Variants in PCSK5 observed in about 807,000 individuals in gnomAD.
The protein encoded by PCSK5 is prohormone convertase 5.
In PCSK5, 129 loss-of-function variants were observed where a neutral mutation model predicts 233.2. The observed-to-expected ratio is 0.55, with a 90% CI of 0.48 to 0.64. PCSK5 has a LOEUF of 0.64. Ranked by LOEUF, PCSK5 falls within the 30% of genes least tolerant of loss-of-function variation. The pLI is 0.00. For missense variants in PCSK5, 2,076 were observed against 2,430.1 expected (o/e 0.85, Z 3.06); for synonymous variants, 825 against 879.2 (o/e 0.94, Z 1.09).
chr9:76,298,498 A>G (rs535270289), intron 27 of PCSK5, among the ~76,000 whole-genome samples: 103 of 152,312 alleles, frequency 6.8e-4, no homozygotes, highest in African/African-American at 2.4e-3. Flanking sequence ...ACAGAGAAAT[A>G]GCCATTTATT....
rs3001772 is a variant in PCSK5, at chr9:76,323,058, C to T, written c.4109C>T (p.Thr1370Met). The T allele has an allele frequency of 0.53, 833,538 of 1,577,546 alleles. 225,042 individuals are homozygous for T. Among genetic ancestry groups the T allele is most frequent in the African/African-American group, 0.64 (47,838 of 74,222 alleles). The change falls in exon 32 of 38, where the codon ACG (threonine) becomes ATG (methionine). Residue 1370 changes from threonine to methionine, a missense_variant. Physicochemically the swap from Thr to Met is moderately conservative, Grantham distance 81 (BLOSUM62 -1). Coordinates refer to ENST00000674117, the MANE Select transcript of PCSK5 (RefSeq NM_001372043.1). ...CIHEKTCKEC[T>M]PEFFLHDDMC... ...TGCTTCCTCCTTTTCCCAGAGTGCA[C>T]GCCTGAGTTCTTCCTGCACGATGAT...
intron 27 of PCSK5, among the ~76,000 whole-genome samples, chr9:76,297,306 A>G (rs946832926): frequency 6.6e-5 from 10 of 152,220 alleles, no homozygotes; most frequent in Non-Finnish European, 1.3e-4. Context: ...CAATTAGACA[A>G]GCAAGAACTG....
chr9:76,332,948 T>C (rs535226292), intron 34 of PCSK5, among the ~76,000 whole-genome samples: 1 of 152,332 alleles, frequency 6.6e-6, no homozygotes, highest in South Asian at 2.1e-4. Context: ...AGGTTGAGGC[T>C]GGAGGATCAC....
chr9:75,898,858 G>A (rs1825913142), intron 1 of PCSK5, among the ~76,000 whole-genome samples: 1 of 152,174 alleles, frequency 6.6e-6, no homozygotes, highest in Non-Finnish European at 1.5e-5. Flanking sequence ...AACATTCTCT[G>A]TTCTTGAGAA....
intron 11 of PCSK5, among the ~76,000 whole-genome samples, chr9:76,158,615 T>C (rs2889661): frequency 0.25 from 37,917 of 151,954 alleles, 4,906 homozygotes; most frequent in Admixed American, 0.34. Flanking sequence ...ATAGATCAGC[T>C]ACGTCACTAT....
intron 20 of PCSK5, among the ~76,000 whole-genome samples, chr9:76,196,462 G>A (rs1027332673): frequency 6.6e-6 from 1 of 152,216 alleles, no homozygotes; most frequent in Non-Finnish European, 1.5e-5. Flanking sequence ...AAACAGCAGT[G>A]GAGTATAGAT....
At chr9:76,057,081 G>A (rs1164400162) in intron 5 of PCSK5, among the ~76,000 whole-genome samples, 1 of 151,994 alleles carries the variant, frequency 6.6e-6, no homozygotes, top group African/African-American at 2.4e-5. Context: ...TGTTTTTCTG[G>A]AGTAAAATCT....
At chr9:76,042,120 C>G (rs1021451823) in intron 5 of PCSK5, among the ~76,000 whole-genome samples, 2 of 152,170 alleles carry the variant, frequency 1.3e-5, no homozygotes, top group African/African-American at 4.8e-5. Flanking sequence ...TTTGCTACAT[C>G]CCTGCCCTGT....
chr9:76,282,866 T>G (rs1243074497), intron 24 of PCSK5, among the ~76,000 whole-genome samples: 1 of 152,050 alleles, frequency 6.6e-6, no homozygotes, highest in Non-Finnish European at 1.5e-5. Context: ...TGGGAGGAGG[T>G]CAAGATAGTA....
chr9:76,340,559 C>T lies in PCSK5; in HGVS notation c.4966+2112C>T, dbSNP rs1279603533. On this transcript the variant is annotated intron_variant, in intron 35 of 37. Transcript: ENST00000674117. ...ACTTGGGAGGTTGAGGTGGGAGAAT[C>T]GCTTGAAACCTGGAGGCAGAGGTTG... Among the ~76,000 whole-genome samples the T allele has an allele frequency of 2.1e-5, 3 of 141,900 alleles. No homozygotes were observed. The South Asian group carries it at 6.9e-4, about 33-fold the overall frequency. The allele number at this position is 141,900 out of a possible 152,430, so 93.1% of individuals were successfully genotyped here.
chr9:76,046,160 GTTTTTTTTTTTTTTTTT>G (rs71372041), intron 5 of PCSK5, among the ~76,000 whole-genome samples: 15 of 58,024 alleles, frequency 2.6e-4, no homozygotes, highest in East Asian at 1.0e-3. Flanking sequence ...TTTTTCTTTT[GTTTTTTTTTTTTTTTTT>G]TTTTTTTTTT....
Position 76,252,834 on chromosome 9 carries a change from C to T in PCSK5, c.3142+12150C>T, listed in dbSNP as rs193178353. 4.6e-5 allele frequency among the ~76,000 whole-genome samples: 7 copies of T among 152,214 alleles called. No individual in the cohort carries two copies. In the East Asian group the frequency reaches 7.7e-4, roughly 17 times the overall value. ...CCCTAGTTCATAGAAAAAGTATTGG[C>T]GATATGGAAGACATGAAGTTCACTC... On this transcript the variant is annotated intron_variant, in intron 24 of 37. Transcript: ENST00000674117.
chr9:76,193,526 G>T (rs950463374), intron 20 of PCSK5: 40 of 528,988 alleles, frequency 7.6e-5, no homozygotes, highest in African/African-American at 6.7e-4. Flanking sequence ...GAACTGTTTT[G>T]TCAGAACTTA....
intron 24 of PCSK5, among the ~76,000 whole-genome samples, chr9:76,244,165 G>T (rs1462284171): frequency 2.0e-5 from 3 of 152,180 alleles, no homozygotes; most frequent in Non-Finnish European, 4.4e-5. Context: ...AGTCAAGGCT[G>T]CAGTGAGCCG....
At position 76,001,468 on chromosome 9, in the gene PCSK5, C is replaced by CTTTTT. The variant is rs34379742; in HGVS notation, c.411+15240_411+15244dup. 1.9e-3 allele frequency among the ~76,000 whole-genome samples: 167 copies of CTTTTT among 87,138 alleles called. 8 individuals carry two copies. The highest frequency in any genetic ancestry group is 5.5e-3 in the African/African-American group (118 of 21,574). The allele number at this position is 87,138 out of a possible 152,430, so 57.2% of individuals were successfully genotyped here. On this transcript the variant is annotated intron_variant, in intron 3 of 37. Transcript: ENST00000674117. ...TTTCAAGTCTGCTCTACCATCATAG[C>CTTTTT]TTTTTTTTTTTTTTTTTTTTTGCCA...
chr9:76,001,335 TTCTC>T (rs536417634), intron 3 of PCSK5, among the ~76,000 whole-genome samples: 111 of 152,176 alleles, frequency 7.3e-4, no homozygotes, highest in African/African-American at 2.4e-3. Flanking sequence ...ATTGAAATAT[TTCTC>T]TCTCTCTAAG....
intron 3 of PCSK5, among the ~76,000 whole-genome samples, chr9:76,012,375 A>G (rs1054478872): frequency 1.3e-5 from 2 of 152,348 alleles, no homozygotes; most frequent in East Asian, 1.9e-4. Context: ...ATGTCAGTCA[A>G]GCCTTCAAAT....
At chr9:76,243,699 A>G (rs1466679707) in intron 24 of PCSK5, among the ~76,000 whole-genome samples, 1 of 152,172 alleles carries the variant, frequency 6.6e-6, no homozygotes, top group Non-Finnish European at 1.5e-5. Context: ...TGGACACTAA[A>G]CTACCTGAGA....
chr9:75,958,228 T>C (rs914160056), intron 2 of PCSK5, among the ~76,000 whole-genome samples: 1 of 152,208 alleles, frequency 6.6e-6, no homozygotes, highest in Non-Finnish European at 1.5e-5. Flanking sequence ...TACTTAGCTT[T>C]AAATGATACC....
Sources: allele counts gnomAD v4.1 joint callset (sites outside exome capture counted in the v4.1 genomes callset), GRCh38; gene constraint gnomAD v4.1.1; transcripts MANE v1.5; gene names NCBI Gene and HGNC (gene_info 2026-07-23, HGNC 2026-07-21).